The following SYN3 variants were observed in gnomAD, a reference collection of about 807,000 sequenced individuals.
SYN3 encodes the protein synapsin-3.
A neutral mutation model predicts 65.8 loss-of-function variants in SYN3; 35 were observed. That is an observed-to-expected ratio of 0.53 (90% confidence interval 0.41 to 0.70). The LOEUF (loss-of-function observed/expected upper bound fraction) is 0.70. Among genes scored for constraint, SYN3 ranks in the 30% least tolerant of loss-of-function variants. SYN3 has a pLI of 0.00. For synonymous variants in SYN3, 270 were observed against 292.9 expected, an observed-to-expected ratio of 0.92 and a Z score of 0.80; for missense variants, 680 against 749.0, an observed-to-expected ratio of 0.91 and a Z score of 1.08.
intron 6 of SYN3, among the ~76,000 whole-genome samples, chr22:32,637,630 C>CTTT (rs1185407986): frequency 1.0e-3 from 96 of 93,528 alleles, no homozygotes; most frequent in South Asian, 1.9e-3. Context: ...TTTTCTTTTT[C>CTTT]TTTTTTTTTT....
At chr22:32,822,037 C>T (rs547956068) in intron 6 of SYN3, among the ~76,000 whole-genome samples, 2 of 152,092 alleles carry the variant, frequency 1.3e-5, no homozygotes, top group African/African-American at 4.8e-5. Flanking sequence ...TGCCTGTAAT[C>T]CCAGCTACTC....
intron 6 of SYN3, among the ~76,000 whole-genome samples, chr22:32,663,841 T>G (rs1393428826): frequency 1.3e-5 from 2 of 152,166 alleles, no homozygotes; most frequent in Non-Finnish European, 2.9e-5. Flanking sequence ...AGAATGATAT[T>G]AAATAGCAAT....
chr22:32,986,030 GC>G (rs2052515458), intron 2 of SYN3, among the ~76,000 whole-genome samples: 1 of 151,912 alleles, frequency 6.6e-6, no homozygotes, highest in Non-Finnish European at 1.5e-5. Context: ...GCTGCCCTCT[GC>G]CCCCAAACAT....
intron 6 of SYN3, among the ~76,000 whole-genome samples, chr22:32,638,420 T>G (rs2059849706): frequency 6.6e-6 from 1 of 152,224 alleles, no homozygotes; most frequent in East Asian, 1.9e-4. Context: ...TAATTTACAT[T>G]CCCACAGACA....
rs796725900 is a variant in SYN3, at chr22:32,572,243, C to CTCCTTCCTTCCTTCCTTCCTTCCTTCCT, written c.774+24430_774+24431insAGGAAGGAAGGAAGGAAGGAAGGAAGGA. ...TTCTGCCCCTGGAGTCAGATTCTGG[C>CTCCTTCCTTCCTTCCTTCCTTCCTTCCT]TCCTTCCTTCCTTTCCTTCCTTCCT... On this transcript the variant is annotated intron_variant, in intron 7 of 13. Coordinates refer to ENST00000358763, the MANE Select transcript of SYN3 (RefSeq NM_003490.4). Among the ~76,000 whole-genome samples the CTCCTTCCTTCCTTCCTTCCTTCCTTCCT allele has an allele frequency of 4.0e-3, 444 of 112,306 alleles. 22 individuals are homozygous for CTCCTTCCTTCCTTCCTTCCTTCCTTCCT. Among genetic ancestry groups the CTCCTTCCTTCCTTCCTTCCTTCCTTCCT allele is most frequent in the African/African-American group, 0.015 (400 of 26,344 alleles). 73.7% of individuals were successfully genotyped at this position (112,306 alleles called of 152,430 possible).
intron 4 of SYN3, among the ~76,000 whole-genome samples, chr22:32,889,218 A>G (rs2049373869): frequency 6.6e-6 from 1 of 152,184 alleles, no homozygotes; most frequent in Non-Finnish European, 1.5e-5. Context: ...ACTCTCTATC[A>G]GGAAGGCTAA....
intron 4 of SYN3, among the ~76,000 whole-genome samples, chr22:32,893,086 A>T (rs986031337): frequency 6.6e-6 from 1 of 152,176 alleles, no homozygotes; most frequent in African/African-American, 2.4e-5. Flanking sequence ...GAATAGAAAG[A>T]ATCTGAATCA....
intron 6 of SYN3, among the ~76,000 whole-genome samples, chr22:32,651,668 A>T (rs371179282): frequency 6.6e-6 from 1 of 152,292 alleles, no homozygotes; most frequent in East Asian, 1.9e-4. Context: ...TCATCAGAGG[A>T]TGCTTTAGAC....
chr22:32,994,402 G>A (rs866466626), intron 2 of SYN3, among the ~76,000 whole-genome samples: 15 of 152,216 alleles, frequency 9.9e-5, no homozygotes, highest in Middle Eastern at 3.4e-3. Flanking sequence ...GTGTGTTTGA[G>A]TGATGGAATG....
At chr22:33,055,753 C>G (rs949057339) in intron 1 of SYN3, among the ~76,000 whole-genome samples, 1 of 152,208 alleles carries the variant, frequency 6.6e-6, no homozygotes, top group Non-Finnish European at 1.5e-5. Flanking sequence ...CTGTTATTCT[C>G]TATCACATAC....
intron 2 of SYN3, among the ~76,000 whole-genome samples, chr22:32,988,409 A>C (rs898729376): frequency 6.6e-6 from 1 of 151,866 alleles, no homozygotes; most frequent in African/African-American, 2.4e-5. Context: ...GATTGAGGAT[A>C]AGATGTGGGG....
rs371958819 is a variant in SYN3 at position 33,016,725 on chromosome 22, T to G, written c.-162-9901A>C. ...TTCTTTTGAGAAATGTCTATTTGGT[T>G]TACTTGCCCATTTTTTGATTGGATT... On this transcript the variant is annotated intron_variant, in intron 1 of 13. Coordinates refer to ENST00000358763, the MANE Select transcript of SYN3 (RefSeq NM_003490.4). 2.6e-5 allele frequency among the ~76,000 whole-genome samples: 4 copies of G among 152,366 alleles called. No homozygotes were observed. In the East Asian group the frequency reaches 5.8e-4, roughly 22 times the overall value.
chr22:32,956,795 C>A (rs2051477020), intron 3 of SYN3, among the ~76,000 whole-genome samples: 2 of 152,098 alleles, frequency 1.3e-5, no homozygotes, highest in African/African-American at 4.8e-5. Flanking sequence ...GGTAAATTCC[C>A]AGAAGTAGAA....
At chr22:32,903,594 A>G (rs2146538817) in intron 4 of SYN3, among the ~76,000 whole-genome samples, 1 of 152,302 alleles carries the variant, frequency 6.6e-6, no homozygotes, top group Middle Eastern at 3.4e-3. Context: ...AGCAGCCTCC[A>G]TAGCTGGCTG....
chr22:33,000,146 G>A (rs1020995816), intron 2 of SYN3, among the ~76,000 whole-genome samples: 4 of 152,182 alleles, frequency 2.6e-5, no homozygotes, highest in South Asian at 4.1e-4. Context: ...TGGGAGGATC[G>A]CTTCAGCCCA....
chr22:32,537,284 C>T (rs548189968), intron 9 of SYN3, among the ~76,000 whole-genome samples: 12 of 152,138 alleles, frequency 7.9e-5, no homozygotes, highest in African/African-American at 2.7e-4. Context: ...CTCAGCCTCC[C>T]GAGTAGCTGG....
intron 6 of SYN3, among the ~76,000 whole-genome samples, chr22:32,703,386 C>A (rs946870935): frequency 6.6e-6 from 1 of 152,072 alleles, no homozygotes; most frequent in Non-Finnish European, 1.5e-5. Flanking sequence ...TGCCTGTAAT[C>A]CCAGCACTTT....
At position 32,707,405 on chromosome 22, in the gene SYN3, G is replaced by C. The variant is rs117210739; in HGVS notation, c.712-110669C>G. ...TCAACTTGTAGTCACTTGTGATTCT[G>C]AGAAGCATGGGCCTCAGCCTTTCTT... On this transcript the variant is annotated intron_variant, in intron 6 of 13. Transcript: ENST00000358763. Among the ~76,000 whole-genome samples, 294 of 152,342 alleles carry C rather than the reference G, an allele frequency of 1.9e-3. 5 individuals are homozygous for C. The East Asian group carries it at 0.041, about 21-fold the overall frequency.
chr22:32,940,340 G>T (rs1197259975), intron 3 of SYN3, among the ~76,000 whole-genome samples: 1 of 151,980 alleles, frequency 6.6e-6, no homozygotes, highest in Non-Finnish European at 1.5e-5. Context: ...TTTTAACGAA[G>T]AATATATTTA....
Sources: gnomAD v4.1 joint callset for allele counts (sites outside exome capture counted in the v4.1 genomes callset) on GRCh38, gnomAD v4.1.1 for gene constraint, MANE v1.5 for transcripts, NCBI Gene and HGNC (gene_info 2026-07-23, HGNC 2026-07-21) for gene names.